Variants in SLC4A4 observed in about 807,000 individuals in gnomAD.
SLC4A4 encodes electrogenic sodium bicarbonate cotransporter 1.
In SLC4A4, 27 loss-of-function variants were observed where a neutral mutation model predicts 111.5. The observed-to-expected ratio is 0.24, with a 90% CI of 0.18 to 0.33. The LOEUF is 0.33. SLC4A4 is among the 10% of genes least tolerant of loss of function. SLC4A4 has a pLI of 1.00. For missense variants in SLC4A4, 909 were observed against 1,315.5 expected, an observed-to-expected ratio of 0.69 and a Z score of 4.78; for synonymous variants, 443 against 463.4, an observed-to-expected ratio of 0.96 and a Z score of 0.57.
At chr4:71,318,731 G>A (rs1355302434) in intron 3 of SLC4A4, among the ~76,000 whole-genome samples, 3 of 151,612 alleles carry the variant, frequency 2.0e-5, no homozygotes, top group East Asian at 3.9e-4. Context: ...CAAGACAGAA[G>A]TTTAGAGTTT....
chr4:71,386,904 A>C (rs1169461364), intron 6 of SLC4A4, among the ~76,000 whole-genome samples: 1 of 152,204 alleles, frequency 6.6e-6, no homozygotes, highest in Non-Finnish European at 1.5e-5. Context: ...TAATGTAAGC[A>C]GGAGGCATAA....
intron 3 of SLC4A4, among the ~76,000 whole-genome samples, chr4:71,276,752 G>T (rs1723099854): frequency 6.6e-6 from 1 of 152,074 alleles, no homozygotes; most frequent in Non-Finnish European, 1.5e-5. Flanking sequence ...CCAGGCTTTT[G>T]AAATAAAGCT....
intron 1 of SLC4A4, among the ~76,000 whole-genome samples, chr4:71,066,442 G>T (rs181254683): frequency 3.3e-5 from 5 of 151,984 alleles, no homozygotes; most frequent in Admixed American, 3.3e-4. Context: ...TTCCCTTTCC[G>T]TGATAACACA....
At chr4:71,379,139 G>GT (rs2148947233) in intron 6 of SLC4A4, among the ~76,000 whole-genome samples, 1 of 152,188 alleles carries the variant, frequency 6.6e-6, no homozygotes, top group South Asian at 2.1e-4. Flanking sequence ...AAGGATCTAC[G>GT]TTATGAACGC....
chr4:71,505,719 C>T (rs934978947), intron 16 of SLC4A4, among the ~76,000 whole-genome samples: 5 of 151,936 alleles, frequency 3.3e-5, no homozygotes, highest in African/African-American at 1.2e-4. Flanking sequence ...TTAATTTTTG[C>T]TTTTGTTGCA....
intron 2 of SLC4A4, among the ~76,000 whole-genome samples, chr4:71,240,872 C>T (rs766472801): frequency 2.0e-5 from 3 of 152,024 alleles, no homozygotes; most frequent in Non-Finnish European, 4.4e-5. Flanking sequence ...AATCCTAGCA[C>T]TTTGGGAGGC....
chr4:71,097,931 A>G (rs1263508394), intron 2 of SLC4A4, among the ~76,000 whole-genome samples: 2 of 152,124 alleles, frequency 1.3e-5, no homozygotes, highest in Non-Finnish European at 2.9e-5. Context: ...CCTTTGTCAG[A>G]TGCATAGTTT....
chr4:71,327,089 CA>C (rs1727560095), intron 3 of SLC4A4, among the ~76,000 whole-genome samples: 1 of 151,962 alleles, frequency 6.6e-6, no homozygotes, highest in South Asian at 2.1e-4. Flanking sequence ...TTGTCATGCT[CA>C]GCAGGAATTC....
rs901072975 is a variant in SLC4A4 at position 71,570,572 on chromosome 4, A to AT, written c.*2828dup. 5 of 152,256 alleles carry AT rather than the reference A, an allele frequency of 3.3e-5. No homozygotes were observed. Among genetic ancestry groups the AT allele is most frequent in the African/African-American group, 1.2e-4 (5 of 41,496 alleles). The allele number at this position is 152,256 out of a possible 1,614,324, so 9.4% of individuals were successfully genotyped here. ...AACTGGACACAAATTACAACAGTAA[A>AT]TTTTTTTATAAGTGCTTCTCCCTTC... On this transcript the variant is annotated 3_prime_UTR_variant, in exon 26 of 26. Transcript: ENST00000264485.
upstream of SLC4A4, chr4:71,187,192 G>A (rs1002466108): frequency 1.3e-5 from 2 of 151,984 alleles, no homozygotes; most frequent in African/African-American, 2.4e-5. Flanking sequence ...AACTTCCCGC[G>A]GCTCGGCCCC....
chr4:71,337,176 A>T (rs1728496720), intron 3 of SLC4A4, among the ~76,000 whole-genome samples: 1 of 152,230 alleles, frequency 6.6e-6, no homozygotes, highest in South Asian at 2.1e-4. Context: ...GTACTTTATG[A>T]AATTACTATT....
At chr4:71,535,856 C>G (rs1310651779) in intron 18 of SLC4A4, among the ~76,000 whole-genome samples, 2 of 24,266 alleles carry the variant, frequency 8.2e-5, no homozygotes, top group East Asian at 2.0e-3. Flanking sequence ...GTAAAACAAA[C>G]AAACAAAACA....
chr4:71,571,695 G>C lies in SLC4A4; in HGVS notation c.*3944G>C, dbSNP rs1737942503. ...GTCCCAGTCCTACAATGTGAAAAGA[G>C]TGAATAGTTGCCTCTTTTTAGCCAT... On this transcript the variant is annotated 3_prime_UTR_variant, in exon 26 of 26. Coordinates refer to ENST00000264485, the MANE Select transcript of SLC4A4 (RefSeq NM_001098484.3). 2 of 152,270 alleles carry C rather than the reference G, an allele frequency of 1.3e-5. No homozygotes were observed. The highest frequency in any genetic ancestry group is 4.8e-5 in the African/African-American group (2 of 41,398). 9.4% of individuals were successfully genotyped at this position (152,270 alleles called of 1,614,324 possible).
At chr4:71,256,406 T>G (rs1057070623) in intron 3 of SLC4A4, among the ~76,000 whole-genome samples, 8 of 152,154 alleles carry the variant, frequency 5.3e-5, no homozygotes, top group Non-Finnish European at 1.2e-4. Flanking sequence ...GGCATAGTGA[T>G]GTGAATTTTT....
chr4:71,476,618 A>G (rs1362598311), intron 14 of SLC4A4, among the ~76,000 whole-genome samples: 1 of 151,732 alleles, frequency 6.6e-6, no homozygotes, highest in Non-Finnish European at 1.5e-5. Context: ...TCAAGGCAAC[A>G]CTTCCTTTTC....
intron 2 of SLC4A4, among the ~76,000 whole-genome samples, chr4:71,108,725 C>G (rs1743009710): frequency 6.6e-6 from 1 of 152,064 alleles, no homozygotes; most frequent in Non-Finnish European, 1.5e-5. Flanking sequence ...TTCAACTGTT[C>G]TTCCAACCCC....
intron 23 of SLC4A4, among the ~76,000 whole-genome samples, chr4:71,560,456 A>G (rs747574962): frequency 1.5e-4 from 23 of 151,736 alleles, no homozygotes; most frequent in Non-Finnish European, 2.9e-4. Flanking sequence ...GTAACCATTA[A>G]TACACTAATA....
chr4:71,191,000 C>A (rs752468962), intron 1 of SLC4A4, among the ~76,000 whole-genome samples: 4 of 152,184 alleles, frequency 2.6e-5, no homozygotes, highest in Admixed American at 6.5e-5. Flanking sequence ...TAACAACATT[C>A]TGTTTTTCAC....
intron 12 of SLC4A4, among the ~76,000 whole-genome samples, chr4:71,454,457 C>T (rs1726038965): frequency 6.6e-6 from 1 of 151,980 alleles, no homozygotes; most frequent in African/African-American, 2.4e-5. Context: ...TGAAAAGGAC[C>T]AGATTGAAGC....
Sources: gnomAD v4.1 joint callset for allele counts (sites outside exome capture counted in the v4.1 genomes callset) on GRCh38, gnomAD v4.1.1 for gene constraint, MANE v1.5 for transcripts, NCBI Gene and HGNC (gene_info 2026-07-23, HGNC 2026-07-21) for gene names.